The following PALM2AKAP2 variants were observed in gnomAD, a reference collection of about 807,000 sequenced individuals.
PALM2AKAP2 encodes PALM2 and AKAP2 fusion.
In PALM2AKAP2, 37 loss-of-function variants were observed where a neutral mutation model predicts 71.5. That is an observed-to-expected ratio of 0.52 (90% CI 0.40 to 0.68). The LOEUF (loss-of-function observed/expected upper bound fraction) is 0.68, where lower values mean the gene tolerates loss of function less well. PALM2AKAP2 is among the 30% of genes least tolerant of loss of function. PALM2AKAP2 has a pLI of 0.00. For missense variants in PALM2AKAP2, 1,224 were observed against 1,191.8 expected (o/e 1.03, Z -0.40); for synonymous variants, 468 against 478.8 (o/e 0.98, Z 0.29).
chr9:109,790,682 C>T (rs1827090989), intron 1 of PALM2AKAP2, among the ~76,000 whole-genome samples: 1 of 152,182 alleles, frequency 6.6e-6, no homozygotes, highest in African/African-American at 2.4e-5. Flanking sequence ...AGCTGGCTTT[C>T]CCCAGGCACC....
intron 1 of PALM2AKAP2, among the ~76,000 whole-genome samples, chr9:109,752,780 C>T (rs773926672): frequency 2.0e-5 from 3 of 152,028 alleles, no homozygotes; most frequent in African/African-American, 4.8e-5. Context: ...ACTCTGATTG[C>T]GATGCAACAG....
intron 2 of PALM2AKAP2, among the ~76,000 whole-genome samples, chr9:109,875,737 T>C (rs1330141481): frequency 6.6e-6 from 1 of 152,216 alleles, no homozygotes; most frequent in Non-Finnish European, 1.5e-5. Context: ...GGGTGGGTCC[T>C]GGAATCTGTG....
intron 1 of PALM2AKAP2, among the ~76,000 whole-genome samples, chr9:109,840,030 G>A (rs933673765): frequency 1.3e-5 from 2 of 152,128 alleles, no homozygotes; most frequent in Middle Eastern, 3.4e-3. Context: ...AGTTCATATG[G>A]AACCAAAAAA....
chr9:110,055,489 G>A (rs1208202922), intron 1 of PALM2AKAP2, among the ~76,000 whole-genome samples: 2 of 152,324 alleles, frequency 1.3e-5, no homozygotes, highest in African/African-American at 2.4e-5. Flanking sequence ...GAGCCACCAC[G>A]CCTGGGGAAG....
rs992137045 is a variant in PALM2AKAP2, at chr9:109,941,588, T to A, written c.496+9560T>A. Among the ~76,000 whole-genome samples, 10 of 152,280 alleles carry A rather than the reference T, an allele frequency of 6.6e-5. No individual in the cohort carries two copies. In the South Asian group the frequency reaches 1.9e-3, roughly 28 times the overall value. On this transcript the variant is annotated intron_variant, in intron 6 of 9. Coordinates refer to the PALM2AKAP2 transcript ENST00000302798. ...TGGAGTCAGTTTGGAAGCTGCTGAGTTTGATGGGTTCGTGGCACATCCAGA... is the reference window on the plus strand; with the variant it reads ...TGGAGTCAGTTTGGAAGCTGCTGAGATTGATGGGTTCGTGGCACATCCAGA...
intron 1 of PALM2AKAP2, among the ~76,000 whole-genome samples, chr9:109,811,703 C>G (rs1019264783): frequency 2.0e-5 from 3 of 152,126 alleles, no homozygotes; most frequent in Admixed American, 2.0e-4. Context: ...AACTAAGTAG[C>G]TGTGACTACA....
At chr9:109,786,922 G>A (rs1194116679) in intron 1 of PALM2AKAP2, among the ~76,000 whole-genome samples, 1 of 152,180 alleles carries the variant, frequency 6.6e-6, no homozygotes, top group Non-Finnish European at 1.5e-5. Context: ...GCTACTCAAT[G>A]CTTTGGGGTC....
At chr9:110,170,431 T>C (rs964592039) in exon 4 of PALM2AKAP2, 7 of 152,588 alleles carry the variant, frequency 4.6e-5, no homozygotes, top group African/African-American at 1.7e-4. Flanking sequence ...TAGTGTTGAC[T>C]TTGGGGGGGG....
intron 1 of PALM2AKAP2, among the ~76,000 whole-genome samples, chr9:109,781,824 C>T (rs916448878): frequency 1.3e-5 from 2 of 152,074 alleles, no homozygotes; most frequent in Non-Finnish European, 2.9e-5. Flanking sequence ...TTTCTCTTTC[C>T]CCCTGTGCAT....
At chr9:109,756,183 C>A (rs768444889) in intron 1 of PALM2AKAP2, among the ~76,000 whole-genome samples, 11 of 152,164 alleles carry the variant, frequency 7.2e-5, no homozygotes, top group Non-Finnish European at 1.0e-4. Context: ...TAAGTCTGTT[C>A]CTCAAACCTT....
At chr9:109,735,243 T>C (rs1828612922) in intron 1 of PALM2AKAP2, among the ~76,000 whole-genome samples, 2 of 150,576 alleles carry the variant, frequency 1.3e-5, no homozygotes, top group Admixed American at 1.3e-4. Flanking sequence ...TAGCTCAAGC[T>C]GGGCCTGCTC....
chr9:109,800,071 G>C (rs1423473221), intron 1 of PALM2AKAP2, among the ~76,000 whole-genome samples: 1 of 152,128 alleles, frequency 6.6e-6, no homozygotes, highest in African/African-American at 2.4e-5. Context: ...ATGTGCTGTT[G>C]GTGGAGAGAT....
chr9:109,643,370 T>C (rs1827101250), intron 1 of PALM2AKAP2, among the ~76,000 whole-genome samples: 1 of 152,264 alleles, frequency 6.6e-6, no homozygotes, highest in Admixed American at 6.5e-5. Flanking sequence ...CCTGGTCATT[T>C]GCCAGGGCAG....
At chr9:109,809,780 T>G (rs1347045613) in intron 1 of PALM2AKAP2, among the ~76,000 whole-genome samples, 1 of 152,188 alleles carries the variant, frequency 6.6e-6, no homozygotes, top group Non-Finnish European at 1.5e-5. Flanking sequence ...TGTGGGATCA[T>G]GTGGGAGATG....
chr9:110,152,996 G>C (rs1214649853), intron 2 of PALM2AKAP2, among the ~76,000 whole-genome samples: 1 of 152,160 alleles, frequency 6.6e-6, no homozygotes, highest in East Asian at 1.9e-4. Context: ...GATAGAACCA[G>C]AACATGGGCT....
rs530367981 is a variant in PALM2AKAP2, at chr9:109,822,868, C to T, written c.45+42335C>T. On this transcript the variant is annotated intron_variant, in intron 1 of 9. Coordinates refer to the PALM2AKAP2 transcript ENST00000302798. ...CTTTATGGTAGAATGATGTATATTCCTTTGGGTAGATACCCAGAAATGGGA... is the reference window on the plus strand; with the variant it reads ...CTTTATGGTAGAATGATGTATATTCTTTTGGGTAGATACCCAGAAATGGGA... Among the ~76,000 whole-genome samples, 21 of 152,236 alleles carry T rather than the reference C, an allele frequency of 1.4e-4. 1 individual carries two copies. In the East Asian group the frequency reaches 3.5e-3, roughly 25 times the overall value.
At chr9:110,025,570 G>A (rs1833165527) in intron 7 of PALM2AKAP2, among the ~76,000 whole-genome samples, 1 of 152,118 alleles carries the variant, frequency 6.6e-6, no homozygotes, top group Non-Finnish European at 1.5e-5. Flanking sequence ...TAGAATTGCT[G>A]GGTCATATGG....
chr9:109,916,335 T>C (rs936643512), intron 3 of PALM2AKAP2, among the ~76,000 whole-genome samples: 2 of 152,238 alleles, frequency 1.3e-5, no homozygotes, highest in Non-Finnish European at 1.5e-5. Context: ...GTTTGGGCCT[T>C]GCAGGAAGGT....
chr9:110,048,932 C>G, intron 1 of PALM2AKAP2: 1 of 1,404,840 alleles, frequency 7.1e-7, no homozygotes, highest in Non-Finnish European at 9.2e-7. Flanking sequence ...GAAGGGGTTG[C>G]CGAGGAAGGG....
Sources: gnomAD v4.1 joint callset for allele counts (sites outside exome capture counted in the v4.1 genomes callset) on GRCh38, gnomAD v4.1.1 for gene constraint, MANE v1.5 for transcripts, NCBI Gene and HGNC (gene_info 2026-07-23, HGNC 2026-07-21) for gene names.